The following HERC4 variants were observed in gnomAD, a reference collection of about 807,000 sequenced individuals.
HERC4 encodes probable E3 ubiquitin-protein ligase HERC4.
Under a neutral mutation model 124.3 loss-of-function variants are expected in HERC4, and 28 were observed. That is an observed-to-expected ratio of 0.23 (90% CI 0.17 to 0.31). The LOEUF (loss-of-function observed/expected upper bound fraction) is 0.31, where lower values mean the gene tolerates loss of function less well. HERC4 is among the 10% of genes least tolerant of loss of function. The pLI is 1.00. For missense variants in HERC4, 713 were observed against 1,229.3 expected, an observed-to-expected ratio of 0.58 and a Z score of 6.28; for synonymous variants, 407 against 421.5, an observed-to-expected ratio of 0.97 and a Z score of 0.42.
chr10:68,059,862 T>TATATTATAATAA lies in HERC4; in HGVS notation c.226+13020_226+13021insTTATTATAATAT. Among the ~76,000 whole-genome samples, 20 of 75,534 alleles carry TATATTATAATAA rather than the reference T, an allele frequency of 2.6e-4. 5 individuals carry two copies. The highest frequency in any genetic ancestry group is 1.3e-3 in the African/African-American group (20 of 15,246). The allele number at this position is 75,534 out of a possible 152,430, so 49.6% of individuals were successfully genotyped here. Reference sequence around the variant, plus strand: ...TTATAATATATTATATATCATAATATTATATATTATAATAATATTATATAT... The same window carrying TATATTATAATAA: ...TTATAATATATTATATATCATAATATATATTATAATAATATATATTATAATAATATTATATAT... On this transcript the variant is annotated intron_variant, in intron 3 of 24. Transcript: ENST00000373700.
In HERC4 at chr10:67,944,039, A is replaced by G. The variant is rs74397981; in HGVS notation, c.2338-2934T>C. On this transcript the variant is annotated intron_variant, in intron 19 of 24. Transcript: ENST00000373700. ...GAGGGGAACTCTCTGCACTGAAGGGAAGAACACAAGCTTCGCTGGCTTCAC... is the reference window on the plus strand; with the variant it reads ...GAGGGGAACTCTCTGCACTGAAGGGGAGAACACAAGCTTCGCTGGCTTCAC... 1.9e-3 allele frequency among the ~76,000 whole-genome samples: 293 copies of G among 152,340 alleles called. 6 individuals are homozygous for G. In the East Asian group the frequency reaches 0.046, roughly 24 times the overall value.
chr10:67,988,554 G>T, intron 15 of HERC4, 109 bp downstream of exon 15: 1 of 714,770 alleles, frequency 1.4e-6, no homozygotes. Context: ...TCTATAATAT[G>T]CATTGTTTTT....
intron 3 of HERC4, among the ~76,000 whole-genome samples, chr10:68,045,772 G>C (rs1023501102): frequency 2.7e-4 from 41 of 152,182 alleles, no homozygotes; most frequent in Admixed American, 2.7e-3. Flanking sequence ...GTCTTATGTT[G>C]AAAGTGGTTA....
intron 9 of HERC4, among the ~76,000 whole-genome samples, chr10:68,006,369 GTTTTTGT>G (rs2037555632): frequency 7.0e-6 from 1 of 142,208 alleles, no homozygotes; most frequent in African/African-American, 2.6e-5. Flanking sequence ...TTTTGTTTTT[GTTTTTGT>G]TTTTTTTTTT....
chr10:68,054,468 C>T (rs1468855750), intron 3 of HERC4, among the ~76,000 whole-genome samples: 1 of 151,638 alleles, frequency 6.6e-6, no homozygotes, highest in Non-Finnish European at 1.5e-5. Context: ...ATTCTCCTGC[C>T]TCAGCTAACC....
intron 9 of HERC4, chr10:68,008,040 C>CA (rs1021724376): frequency 5.3e-5 from 8 of 152,316 alleles, no homozygotes; most frequent in Non-Finnish European, 1.2e-4. Flanking sequence ...CTTGCCAACT[C>CA]ATAGAGGTAC....
chr10:67,936,556 T>C (rs962097326), intron 21 of HERC4, among the ~76,000 whole-genome samples: 3 of 152,212 alleles, frequency 2.0e-5, no homozygotes, highest in African/African-American at 7.2e-5. Context: ...AGACGAGTGA[T>C]AAAATCCAAG....
intron 15 of HERC4, among the ~76,000 whole-genome samples, chr10:67,968,035 C>T (rs1589210727): frequency 1.3e-5 from 2 of 152,162 alleles, no homozygotes; most frequent in Middle Eastern, 6.8e-3. Flanking sequence ...CTAGACAATA[C>T]ATTAAAGAAC....
intron 16 of HERC4, among the ~76,000 whole-genome samples, chr10:67,962,308 C>T (rs938864874): frequency 3.3e-5 from 5 of 151,126 alleles, no homozygotes; most frequent in African/African-American, 4.9e-5. Flanking sequence ...TATGGGAGAT[C>T]GATTTTCTCC....
intron 15 of HERC4, among the ~76,000 whole-genome samples, chr10:67,980,423 G>A (rs1003213964): frequency 1.3e-5 from 2 of 151,964 alleles, no homozygotes; most frequent in Admixed American, 6.6e-5. Context: ...ATGAGCCACC[G>A]CACCCCACCC....
At chr10:68,036,351 A>C (rs1357116759) in intron 5 of HERC4, among the ~76,000 whole-genome samples, 3 of 152,030 alleles carry the variant, frequency 2.0e-5, no homozygotes, top group African/African-American at 7.2e-5. Context: ...CAAATGAATA[A>C]GATATTGCCT....
At chr10:67,953,945 T>A (rs532528171) in intron 19 of HERC4, among the ~76,000 whole-genome samples, 16 of 152,326 alleles carry the variant, frequency 1.1e-4, no homozygotes, top group South Asian at 6.2e-4. Flanking sequence ...AAATATTACA[T>A]TGAGGTTTTT....
intron 23 of HERC4, among the ~76,000 whole-genome samples, chr10:67,931,448 A>G (rs929722618): frequency 5.3e-5 from 8 of 152,066 alleles, no homozygotes; most frequent in Non-Finnish European, 7.4e-5. Flanking sequence ...AAACCCATTC[A>G]GCTTTGGCTA....
At chr10:67,966,012 T>C (rs774106162) in intron 16 of HERC4, 8 of 152,290 alleles carry the variant, frequency 5.3e-5, no homozygotes, top group Non-Finnish European at 8.8e-5. Flanking sequence ...CCCACATTTA[T>C]ATTAAAAATC....
intron 3 of HERC4, 59 bp from the exon 4 acceptor site, chr10:68,044,622 T>G: frequency 2.7e-6 from 4 of 1,488,914 alleles, no homozygotes; most frequent in Non-Finnish European, 2.8e-6. Flanking sequence ...GAAAAAGATA[T>G]TGCATTCTAG....
At chr10:67,957,588 C>T (rs2034224588) in intron 16 of HERC4, among the ~76,000 whole-genome samples, 1 of 152,056 alleles carries the variant, frequency 6.6e-6, no homozygotes, top group African/African-American at 2.4e-5. Context: ...ATATTGATTG[C>T]TAAGTATTTT....
intron 3 of HERC4, chr10:68,069,966 T>C (rs1589482367): frequency 3.7e-6 from 2 of 545,218 alleles, no homozygotes; most frequent in Non-Finnish European, 4.7e-6. Flanking sequence ...CGCTTGAACC[T>C]GGGAGGCGGA....
At chr10:68,010,723 G>A in intron 9 of HERC4, 1 of 1,487,580 alleles carries the variant, frequency 6.7e-7, no homozygotes. Flanking sequence ...GAGCCTCAAA[G>A]AGGCAGATGG....
At chr10:67,995,707 A>G (rs1240778848) in intron 9 of HERC4, among the ~76,000 whole-genome samples, 1 of 152,170 alleles carries the variant, frequency 6.6e-6, no homozygotes, top group Non-Finnish European at 1.5e-5. Context: ...CCATTTAAAC[A>G]AATTTATCTA....
Sources: allele counts gnomAD v4.1 joint callset (sites outside exome capture counted in the v4.1 genomes callset), GRCh38; gene constraint gnomAD v4.1.1; transcripts MANE v1.5; gene names NCBI Gene and HGNC (gene_info 2026-07-23, HGNC 2026-07-21).